EBF2: variants seen among roughly 807,000 people sequenced by gnomAD.
EBF2 encodes transcription factor COE2.
Under a neutral mutation model 72.8 loss-of-function variants are expected in EBF2, and 21 were observed. The observed-to-expected ratio is 0.29, with a 90% CI of 0.20 to 0.42. The LOEUF is 0.42. Ranked by LOEUF, EBF2 falls within the 10% of genes least tolerant of loss-of-function variation. The pLI is 1.00. For synonymous variants in EBF2, 299 were observed against 274.2 expected, an observed-to-expected ratio of 1.09 and a Z score of -0.89; for missense variants, 637 against 731.2, an observed-to-expected ratio of 0.87 and a Z score of 1.49.
chr8:25,928,782 G>GGAAA (rs372072422), intron 6 of EBF2, among the ~76,000 whole-genome samples: 3 of 110,376 alleles, frequency 2.7e-5, no homozygotes, highest in African/African-American at 3.7e-5. Flanking sequence ...ATTTTTAAAT[G>GGAAA]AAAAAAAAAA....
At chr8:25,848,599 A>G (rs11135895) in intron 15 of EBF2, among the ~76,000 whole-genome samples, 73,877 of 152,030 alleles carry the variant, frequency 0.49, 19,217 homozygotes, top group African/African-American at 0.66. Flanking sequence ...GCTCAGAGCC[A>G]GGTAAAATAG....
chr8:25,983,766 C>A (rs1287032300), intron 6 of EBF2, among the ~76,000 whole-genome samples: 6 of 152,330 alleles, frequency 3.9e-5, no homozygotes, highest in African/African-American at 1.4e-4. Context: ...GTGTGCCCAC[C>A]GGTGCATATG....
rs758170375 is a variant in EBF2 at position 26,044,805 on chromosome 8, G to A, written c.55C>T (p.Leu19=). 2 of 1,614,058 alleles carry A rather than the reference G, an allele frequency of 1.2e-6. No homozygotes were observed. The highest frequency in any genetic ancestry group is 2.7e-5 in the African/African-American group (2 of 74,932). The change falls in exon 1 of 16, where the codon CTG becomes TTG. Residue 19 remains leucine, a synonymous_variant. Coordinates refer to ENST00000520164, the MANE Select transcript of EBF2 (RefSeq NM_022659.4). The surrounding 1 kb of genome is among the most constrained non-coding windows in gnomAD (Gnocchi z 4.1). ...CTGACCGAATCCATCTCCGCGCCCA[G>A]CGATTTCTCTTTCAGAGTTGGTCCT... is the stretch of plus-strand genomic sequence containing the variant. The part of the protein sequence containing the change: ...GRGPTLKEKS[L]GAEMDSVRSW...
intron 10 of EBF2, among the ~76,000 whole-genome samples, chr8:25,886,427 G>A (rs1417124496): frequency 6.6e-6 from 1 of 152,188 alleles, no homozygotes; most frequent in African/African-American, 2.4e-5. Context: ...TCAAGAAAAT[G>A]TAGTTACAGC....
At chr8:25,968,336 G>A (rs1804144180) in intron 6 of EBF2, among the ~76,000 whole-genome samples, 1 of 152,072 alleles carries the variant, frequency 6.6e-6, no homozygotes, top group Non-Finnish European at 1.5e-5. Context: ...ACCATATACT[G>A]GAATAGTATT....
chr8:26,011,175 G>T (rs756412060), intron 6 of EBF2, among the ~76,000 whole-genome samples: 9 of 152,200 alleles, frequency 5.9e-5, no homozygotes, highest in Non-Finnish European at 1.2e-4. Context: ...GTAACTTGGG[G>T]TTGTTCCCAA....
At chr8:25,854,613 C>T (rs937800092) in intron 14 of EBF2, among the ~76,000 whole-genome samples, 12 of 152,096 alleles carry the variant, frequency 7.9e-5, no homozygotes, top group African/African-American at 2.9e-4. Flanking sequence ...TTTACCTATA[C>T]GTGCTTTTCA....
chr8:25,929,356 G>A (rs1056871150), intron 6 of EBF2, among the ~76,000 whole-genome samples: 10 of 152,178 alleles, frequency 6.6e-5, no homozygotes, highest in African/African-American at 2.4e-4. Flanking sequence ...GTTAGAGAGA[G>A]AAGTAATCAG....
At chr8:26,040,910 C>G in intron 3 of EBF2, 29 bp downstream of exon 3, 1 of 1,613,840 alleles carries the variant, frequency 6.2e-7, no homozygotes, top group Non-Finnish European at 8.5e-7. Context: ...TGCTAGGCGC[C>G]GGCTCACCGT....
intron 6 of EBF2, among the ~76,000 whole-genome samples, chr8:26,027,309 G>C (rs1215764721): frequency 6.6e-6 from 1 of 152,068 alleles, no homozygotes; most frequent in South Asian, 2.1e-4. Flanking sequence ...AGTAGAACAA[G>C]TTACTTCATG....
At chr8:25,971,098 G>A (rs1585211889) in intron 6 of EBF2, among the ~76,000 whole-genome samples, 2 of 152,258 alleles carry the variant, frequency 1.3e-5, no homozygotes, top group South Asian at 2.1e-4. Context: ...GCCTCCCAAA[G>A]TGCTGGGATT....
chr8:26,004,890 T>C (rs1804810077), intron 6 of EBF2, among the ~76,000 whole-genome samples: 1 of 151,846 alleles, frequency 6.6e-6, no homozygotes, highest in African/African-American at 2.4e-5. Context: ...CCCCACCTCA[T>C]TCCATAAAAT....
At chr8:25,988,032 T>C (rs534538713) in intron 6 of EBF2, among the ~76,000 whole-genome samples, 3 of 151,598 alleles carry the variant, frequency 2.0e-5, no homozygotes, top group East Asian at 3.9e-4. Context: ...TGTCCAGGGG[T>C]TTTTCAAAAG....
chr8:25,904,021 T>G (rs1481789379), intron 7 of EBF2, among the ~76,000 whole-genome samples: 1 of 152,186 alleles, frequency 6.6e-6, no homozygotes, highest in East Asian at 1.9e-4. Context: ...GGAAAAGTCC[T>G]AAGTGGACAG....
rs868589439 is a variant in EBF2 at position 26,005,563 on chromosome 8, G to T, written c.551+27522C>A. ...TATTTTATATATATATATATATATA[G>T]AGAGAGAGAGAGAGAGGTATTTTGG... On this transcript the variant is annotated intron_variant, in intron 6 of 15. Coordinates refer to ENST00000520164, the MANE Select transcript of EBF2 (RefSeq NM_022659.4). Among the ~76,000 whole-genome samples the T allele has an allele frequency of 5.1e-3, 134 of 26,524 alleles. 2 individuals are homozygous for T. The highest frequency in any genetic ancestry group is 0.011 in the African/African-American group (57 of 5,116). 17.4% of individuals were successfully genotyped at this position (26,524 alleles called of 152,430 possible).
chr8:25,945,985 G>A (rs1474063876), intron 6 of EBF2, among the ~76,000 whole-genome samples: 1 of 152,182 alleles, frequency 6.6e-6, no homozygotes, highest in East Asian at 1.9e-4. Context: ...TGGCAGAACA[G>A]CTACCACCTA....
At chr8:25,918,759 C>CA (rs1035619259) in intron 6 of EBF2, among the ~76,000 whole-genome samples, 7 of 151,394 alleles carry the variant, frequency 4.6e-5, no homozygotes, top group South Asian at 2.1e-4. Flanking sequence ...TTCAAACAAT[C>CA]AAAAAAAAAT....
At chr8:25,881,363 T>A (rs1192653420) in intron 10 of EBF2, among the ~76,000 whole-genome samples, 1 of 152,164 alleles carries the variant, frequency 6.6e-6, no homozygotes, top group South Asian at 2.1e-4. Flanking sequence ...TACCCCAGGG[T>A]CTTTGCACAT....
chr8:25,891,214 G>T (rs1227002393), intron 7 of EBF2, among the ~76,000 whole-genome samples: 1 of 152,146 alleles, frequency 6.6e-6, no homozygotes, highest in Non-Finnish European at 1.5e-5. Context: ...TCAGGGGTGG[G>T]GGAGAAGCTC....
Sources: allele counts gnomAD v4.1 joint callset (sites outside exome capture counted in the v4.1 genomes callset), GRCh38; gene constraint gnomAD v4.1.1; non-coding constraint Gnocchi (gnomAD v3.1); transcripts MANE v1.5; gene names NCBI Gene and HGNC (gene_info 2026-07-23, HGNC 2026-07-21).